KRT76: variants seen among roughly 807,000 people sequenced by gnomAD.
KRT76 encodes the protein keratin 76.
Under a neutral mutation model 44.9 loss-of-function variants are expected in KRT76, and 47 were observed. The ratio of observed to expected loss-of-function variants is 1.05; its 90% CI spans 0.83 to 1.33. KRT76 has a LOEUF of 1.33. Among genes scored for constraint, KRT76 ranks in the 40% most tolerant of loss-of-function variants. The pLI is 0.00. For synonymous variants in KRT76, 331 were observed against 294.1 expected, an observed-to-expected ratio of 1.13 and a Z score of -1.28; for missense variants, 860 against 775.8, an observed-to-expected ratio of 1.11 and a Z score of -1.29.
chr12:52,771,938 C>T lies in KRT76; in HGVS notation c.1196G>A (p.Ser399Asn), dbSNP rs769860722. The change falls in exon 6 of 9, where the codon AGT (serine) becomes AAT (asparagine). Residue 399 changes from serine to asparagine, a missense_variant. Ser to Asn is a conservative substitution (Grantham distance 46, BLOSUM62 1). Transcript: ENST00000332411. ...RHGDDLRNTK[S>N]EIMELNRMIQ... ...CATCCTGTTGAGCTCCATGATCTCA[C>T]TCTTGGTGTTCCTCAGGTCATCCCC... The T allele has an allele frequency of 1.9e-6, 3 of 1,614,068 alleles. No homozygotes were observed. The highest frequency in any genetic ancestry group is 4.5e-5 in the East Asian group (2 of 44,888).
chr12:52,776,626 G>A, intron 1 of KRT76, 66 bp downstream of exon 1: 13 of 1,611,228 alleles, frequency 8.1e-6, no homozygotes, highest in Non-Finnish European at 1.1e-5. Context: ...AGTCCCCATG[G>A]CATCTTTCTA....
At chr12:52,772,959 C>T (rs1939209047) in intron 3 of KRT76, 81 bp from the exon 4 acceptor site, 8 of 931,786 alleles carry the variant, frequency 8.6e-6, no homozygotes, top group African/African-American at 1.6e-5. Context: ...CCTCATGTCT[C>T]GTCTTTGTTC....
chr12:52,771,809 T>C, intron 6 of KRT76, 62 bp downstream of exon 6: 1 of 1,565,346 alleles, frequency 6.4e-7, no homozygotes, highest in East Asian at 2.3e-5. Flanking sequence ...GAGCAGAGCT[T>C]ATGCTGCTTC....
At chr12:52,770,977 T>C in intron 7 of KRT76, 22 bp downstream of exon 7, 1 of 1,613,780 alleles carries the variant, frequency 6.2e-7, no homozygotes, top group Non-Finnish European at 8.5e-7. Flanking sequence ...ATCTGGAGAA[T>C]GGTGATCCCA....
Position 52,768,929 on chromosome 12 carries a change from A to G in KRT76, c.1701T>C (p.Thr567=), listed in dbSNP as rs1473384210. 1.9e-6 allele frequency: 3 copies of G among 1,566,404 alleles called. No homozygotes were observed. The highest frequency in any genetic ancestry group is 2.6e-6 in the Non-Finnish European group (3 of 1,141,616). Residue 567 remains threonine, a synonymous_variant, in exon 9 of 9, where the codon ACT becomes ACC. Coordinates refer to ENST00000332411, the MANE Select transcript of KRT76 (RefSeq NM_015848.4). ...SGYGGVSSGS[T]GGRGSSGSYQ... is the part of the protein sequence containing the mutation. ...AGCTCCCGCTGCTACCCCTGCCCCC[A>G]GTGCTGCCACTGCTGACCCCTCCAT...
chr12:52,775,460 A>C lies in KRT76; in HGVS notation c.743T>G (p.Leu248Arg), dbSNP rs1415479187. ...CTCCAGGTTCCCCCTCTCCCCTAGA[A>C]GTGAATCTAGCTGCTTGCATAGGAA... ...ISFLCKQLDS[L>R]LGERGNLEGE... Residue 248 changes from leucine to arginine, a missense_variant, in exon 2 of 9, where the codon CTT becomes CGT. Coordinates refer to ENST00000332411, the MANE Select transcript of KRT76 (RefSeq NM_015848.4). 1.2e-6 allele frequency: 2 copies of C among 1,614,066 alleles called. No individual in the cohort carries two copies. The highest frequency in any genetic ancestry group is 2.7e-5 in the African/African-American group (2 of 74,940).
At position 52,771,965 on chromosome 12, in the gene KRT76, T is replaced by C. The variant is rs1369212442; in HGVS notation, c.1169A>G (p.His390Arg). The C allele has an allele frequency of 3.1e-6, 5 of 1,614,126 alleles. No homozygotes were observed. The highest frequency in any genetic ancestry group is 4.5e-5 in the East Asian group (2 of 44,882). The stretch of plus-strand genomic sequence containing the variant: ...CTTGGTGTTCCTCAGGTCATCCCCA[T>C]GCCTGCCAGCTGTGGTCTGCAGCTC... ...LGELQTTAGRHGDDLRNTKSE... is the reference protein window; with the variant it reads ...LGELQTTAGRRGDDLRNTKSE... Residue 390 changes from histidine to arginine, a missense_variant, in exon 6 of 9, where the codon CAT (histidine) becomes CGT (arginine). Coordinates refer to ENST00000332411, the MANE Select transcript of KRT76 (RefSeq NM_015848.4).
At position 52,773,988 on chromosome 12, in the gene KRT76, C is replaced by T. The variant is rs969943283; in HGVS notation, c.816-346G>A. On this transcript the variant is annotated intron_variant, in intron 2 of 8. Coordinates refer to ENST00000332411, the MANE Select transcript of KRT76 (RefSeq NM_015848.4). ...CTGGGACTGGAGGCATGCACCACCACGTCCAGCCAATTTTTTAATTTTTAG... is the reference window on the plus strand; with the variant it reads ...CTGGGACTGGAGGCATGCACCACCATGTCCAGCCAATTTTTTAATTTTTAG... 7.2e-5 allele frequency among the ~76,000 whole-genome samples: 11 copies of T among 152,224 alleles called. No homozygotes were observed. In the East Asian group the frequency reaches 1.2e-3, roughly 16 times the overall value.
rs571398657 is a variant in KRT76 at position 52,775,371 on chromosome 12, C to T, written c.815+17G>A. ...CTAATTCCCCAGAAGGGGAAACTTC[C>T]CAGGAGGAGCCCTCACTTCTTTTTG... On this transcript the variant is annotated intron_variant, in intron 2 of 8. Coordinates refer to ENST00000332411, the MANE Select transcript of KRT76 (RefSeq NM_015848.4). 1.9e-6 allele frequency: 3 copies of T among 1,612,666 alleles called. No homozygotes were observed. The highest frequency in any genetic ancestry group is 1.7e-5 in the Admixed American group (1 of 60,026).
Position 52,775,549 on chromosome 12 carries a change from G to A in KRT76, c.654C>T (p.Leu218=). The A allele has an allele frequency of 1.2e-6, 2 of 1,613,990 alleles. No homozygotes were observed. The highest frequency in any genetic ancestry group is 2.2e-5 in the East Asian group (1 of 44,864). Reference sequence around the variant, plus strand: ...GCCCTGAGCCTGTGGTCTGCTGCTGGAGCAGTTCCCACTTGGTCTCCAGGA... The same window carrying A: ...GCCCTGAGCCTGTGGTCTGCTGCTGAAGCAGTTCCCACTTGGTCTCCAGGA... ...NKVLETKWEL[L]QQQTTGSGPS... The change falls in exon 2 of 9, where the codon CTC becomes CTT. Residue 218 remains leucine, a synonymous_variant. Coordinates refer to ENST00000332411, the MANE Select transcript of KRT76 (RefSeq NM_015848.4).
chr12:52,775,686 A>C lies in KRT76; in HGVS notation c.601-84T>G, dbSNP rs1237230193. The stretch of plus-strand genomic sequence containing the variant: ...CATCCCAAATGTAGAACTGTGGAGA[A>C]GGAACCCAGTTCTTCAATCTACAAT... On this transcript the variant is annotated intron_variant, in intron 1 of 8. Transcript: ENST00000332411. 24 of 1,035,568 alleles carry C rather than the reference A, an allele frequency of 2.3e-5. No individual in the cohort carries two copies. In the Admixed American group the frequency reaches 4.4e-4, roughly 19 times the overall value. The allele number at this position is 1,035,568 out of a possible 1,614,324, so 64.1% of individuals were successfully genotyped here.
intron 1 of KRT76, 71 bp downstream of exon 1, chr12:52,776,621 C>CCATGGCAT: frequency 1.2e-6 from 2 of 1,610,528 alleles, no homozygotes; most frequent in South Asian, 2.2e-5. Flanking sequence ...TCACAAGTCC[C>CCATGGCAT]CATGGCATCT....
Position 52,776,889 on chromosome 12 carries a change from C to A in KRT76, c.403G>T (p.Gly135Cys). 1 of 1,612,286 alleles carries A rather than the reference C, an allele frequency of 6.2e-7. No individual in the cohort carries two copies. The highest frequency in any genetic ancestry group is 8.5e-7 in the Non-Finnish European group (1 of 1,179,066). ...GGACCACCAAAGCTGCCAGGCCCACCAAATACACCAGGACCACCAAAGCCA... is the reference window on the plus strand; with the variant it reads ...GGACCACCAAAGCTGCCAGGCCCACAAAATACACCAGGACCACCAAAGCCA... The part of the protein sequence containing the change: ...AGGFGGPGVF[G>C]GPGSFGGPGG... Residue 135 changes from glycine (G) to cysteine (C), a missense_variant, in exon 1 of 9, where the codon GGT (glycine) becomes TGT (cysteine). Coordinates refer to ENST00000332411, the MANE Select transcript of KRT76 (RefSeq NM_015848.4).
chr12:52,775,708 C>A, intron 1 of KRT76, 106 bp from the exon 2 acceptor site: 2 of 818,912 alleles, frequency 2.4e-6, no homozygotes, highest in Non-Finnish European at 1.9e-6. Context: ...CTTCAATCTA[C>A]AATTTCCCCT....
Position 52,777,125 on chromosome 12 carries a change from C to T in KRT76, c.167G>A (p.Arg56His), listed in dbSNP as rs575967584. ...FRSGAGSFGS[R>H]SLYNLGSNKS... ...GTTGCTGCCCAGGTTGTAGAGGCTG[C>T]GACTGCCAAAGCTGCCTGCTCCGCT... The change falls in exon 1 of 9, where the codon CGC (arginine) becomes CAC (histidine). Residue 56 changes from arginine (R) to histidine (H), a missense_variant. By Grantham distance (29) the Arg-to-His change is conservative (BLOSUM62 0). Transcript: ENST00000332411. 23 of 1,614,204 alleles carry T rather than the reference C, an allele frequency of 1.4e-5. No homozygotes were observed. Among genetic ancestry groups the T allele is most frequent in the East Asian group, 6.7e-5 (3 of 44,882 alleles).
chr12:52,776,829 T>A lies in KRT76; in HGVS notation c.463A>T (p.Ile155Phe). ...CTCTGGTTTACAATCACTTCCTGAA[T>A]TCCCCCAGGAAAGCCCCCAGGGCCA... Reference protein sequence around the residue: ...GFGPGGFPGGIQEVIVNQSLL... With the variant: ...GFGPGGFPGGFQEVIVNQSLL... The change falls in exon 1 of 9, where the codon ATT becomes TTT. Residue 155 changes from isoleucine to phenylalanine, a missense_variant. Coordinates refer to ENST00000332411, the MANE Select transcript of KRT76 (RefSeq NM_015848.4). 6.2e-7 allele frequency: 1 copy of A among 1,614,044 alleles called. No individual in the cohort carries two copies.
chr12:52,769,949 C>A (rs1332052840), intron 7 of KRT76, among the ~76,000 whole-genome samples: 2 of 152,132 alleles, frequency 1.3e-5, no homozygotes, highest in African/African-American at 4.8e-5. Flanking sequence ...TTTTTTATTT[C>A]CAATTCTGCC....
In KRT76 at chr12:52,772,128, C is replaced by T. The variant is rs1243554323; in HGVS notation, c.1103G>A (p.Ser368Asn). The T allele has an allele frequency of 6.2e-7, 1 of 1,612,776 alleles. No homozygotes were observed. ...GTACAGGGCCTCAGCTTCAGACTTG[C>T]TCCTCTGGGCAATCTCCTCATACTG... Reference protein sequence around the residue: ...RAQYEEIAQRSKSEAEALYQT... With the variant: ...RAQYEEIAQRNKSEAEALYQT... The change falls in exon 5 of 9, where the codon AGC becomes AAC. Residue 368 changes from serine to asparagine, a missense_variant. By Grantham distance (46) the Ser-to-Asn change is conservative. Transcript: ENST00000332411.
At chr12:52,772,595 C>A (rs1021798875) in intron 4 of KRT76, among the ~76,000 whole-genome samples, 188 bp downstream of exon 4, 7 of 152,138 alleles carry the variant, frequency 4.6e-5, no homozygotes, top group Non-Finnish European at 7.4e-5. Flanking sequence ...AGCAAAATGG[C>A]CTGAGGACCT....
Sources: allele counts gnomAD v4.1 joint callset (sites outside exome capture counted in the v4.1 genomes callset), GRCh38; gene constraint gnomAD v4.1.1; transcripts MANE v1.5; gene names NCBI Gene and HGNC (gene_info 2026-07-23, HGNC 2026-07-21).